The following RPS6KA2 variants were observed in gnomAD, a reference collection of about 807,000 sequenced individuals.
RPS6KA2 encodes ribosomal protein S6 kinase A2.
Under a neutral mutation model 91.8 loss-of-function variants are expected in RPS6KA2, and 42 were observed. The observed-to-expected ratio is 0.46, with a 90% CI of 0.36 to 0.59. The LOEUF (loss-of-function observed/expected upper bound fraction) is 0.59. RPS6KA2 is among the 20% of genes least tolerant of loss of function. The probability of loss-of-function intolerance (pLI) is 0.00; values close to 1 mark genes in which losing one functional copy is unlikely to be tolerated. For synonymous variants in RPS6KA2, 414 were observed against 393.6 expected (o/e 1.05, Z -0.61); for missense variants, 798 against 978.5 (o/e 0.82, Z 2.46).
chr6:166,514,291 T>C (rs1016838012), intron 3 of RPS6KA2, among the ~76,000 whole-genome samples: 15 of 152,106 alleles, frequency 9.9e-5, no homozygotes, highest in African/African-American at 3.4e-4. Flanking sequence ...CTCCAGGAAG[T>C]GAGAGCCCAG....
At chr6:166,651,764 A>G (rs1475841443) in intron 2 of RPS6KA2, among the ~76,000 whole-genome samples, 1 of 152,240 alleles carries the variant, frequency 6.6e-6, no homozygotes, top group Non-Finnish European at 1.5e-5. Context: ...GCACGTATAC[A>G]ACACCATCAA....
chr6:166,435,265 T>G lies in RPS6KA2; in HGVS notation c.1333-2775A>C, dbSNP rs981666516. ...AATGATAAGTATTTGTAAACAGTTT[T>G]CAAAGACAGATTACCTTAAACTCTT... On this transcript the variant is annotated intron_variant, in intron 14 of 20. Transcript: ENST00000265678. This position sits in a 1 kb window ranked among gnomAD's most constrained non-coding sequence, Gnocchi z 4.3. Among the ~76,000 whole-genome samples the G allele has an allele frequency of 1.9e-4, 29 of 152,206 alleles. No individual in the cohort carries two copies. The highest frequency in any genetic ancestry group is 6.8e-4 in the African/African-American group (28 of 41,448).
intron 2 of RPS6KA2, among the ~76,000 whole-genome samples, chr6:166,802,942 G>GTA (rs975413398): frequency 2.2e-4 from 25 of 116,074 alleles, no homozygotes; most frequent in African/African-American, 8.3e-4. Flanking sequence ...ATGTGTGTGT[G>GTA]TGTATATATA....
intron 7 of RPS6KA2, among the ~76,000 whole-genome samples, chr6:166,499,062 G>T (rs890080980): frequency 6.6e-6 from 1 of 152,178 alleles, no homozygotes; most frequent in Non-Finnish European, 1.5e-5. Flanking sequence ...TCTGGCTGCC[G>T]GGGAGCCAAG....
chr6:166,562,968 C>T (rs572222793), intron 1 of RPS6KA2, among the ~76,000 whole-genome samples: 15 of 152,292 alleles, frequency 9.8e-5, no homozygotes, highest in African/African-American at 3.1e-4. Flanking sequence ...CCCGGCGGGA[C>T]AGACTGAGAA....
intron 5 of RPS6KA2, among the ~76,000 whole-genome samples, chr6:166,507,832 ACACT>A (rs766814152): frequency 1.1e-3 from 159 of 149,110 alleles, no homozygotes; most frequent in African/African-American, 3.1e-3. Flanking sequence ...ACATGCACAC[ACACT>A]CACATTCCCA....
At chr6:166,491,164 T>C (rs1562530543) in intron 8 of RPS6KA2, among the ~76,000 whole-genome samples, 1 of 152,148 alleles carries the variant, frequency 6.6e-6, no homozygotes, top group East Asian at 1.9e-4. Flanking sequence ...TGAACACCCA[T>C]GCATGCCTGG....
At chr6:166,581,623 CACTT>C (rs1785011449) in intron 1 of RPS6KA2, among the ~76,000 whole-genome samples, 1 of 152,138 alleles carries the variant, frequency 6.6e-6, no homozygotes, top group African/African-American at 2.4e-5. Flanking sequence ...TCCTTATATT[CACTT>C]TCTATTTGAA....
intron 2 of RPS6KA2, chr6:166,757,512 C>T (rs566046937): frequency 1.4e-4 from 64 of 456,072 alleles, no homozygotes; most frequent in African/African-American, 4.8e-4. Flanking sequence ...CCATTTCCTG[C>T]GAGCCCTCCC....
At chr6:166,761,713 G>A (rs1010921095) in intron 2 of RPS6KA2, among the ~76,000 whole-genome samples, 1 of 152,162 alleles carries the variant, frequency 6.6e-6, no homozygotes, top group Non-Finnish European at 1.5e-5. Context: ...AGAATCAGAC[G>A]GATGATTTTA....
intron 2 of RPS6KA2, among the ~76,000 whole-genome samples, chr6:166,827,918 G>T (rs1443911290): frequency 6.6e-6 from 1 of 152,222 alleles, no homozygotes; most frequent in Non-Finnish European, 1.5e-5. Flanking sequence ...TGTGTGAGAA[G>T]CATTTTAAAT....
At chr6:166,636,180 C>T (rs1483371276) in intron 2 of RPS6KA2, among the ~76,000 whole-genome samples, 1 of 151,434 alleles carries the variant, frequency 6.6e-6, no homozygotes, top group Admixed American at 6.6e-5. Flanking sequence ...TTCTTGGAAC[C>T]GCCAAGGCCG....
chr6:166,706,099 G>A (rs529772432), intron 2 of RPS6KA2, among the ~76,000 whole-genome samples: 56 of 152,292 alleles, frequency 3.7e-4, no homozygotes, highest in African/African-American at 1.1e-3. Context: ...CCAGAACTGT[G>A]AGAAACGAAT....
intron 10 of RPS6KA2, among the ~76,000 whole-genome samples, chr6:166,480,479 T>TTATATATATATATATATATATA (rs3066214): frequency 2.7e-4 from 27 of 99,840 alleles, no homozygotes; most frequent in African/African-American, 1.1e-3. Flanking sequence ...GATTGTGATT[T>TTATATATATATATATATATATA]TATATATATA....
intron 7 of RPS6KA2, among the ~76,000 whole-genome samples, chr6:166,499,771 A>T (rs969019114): frequency 6.6e-6 from 1 of 152,224 alleles, no homozygotes; most frequent in African/African-American, 2.4e-5. Context: ...ATAGGCTAAC[A>T]TGGGGACTTT....
intron 3 of RPS6KA2, among the ~76,000 whole-genome samples, chr6:166,523,456 T>C (rs1299677276): frequency 6.6e-6 from 1 of 152,168 alleles, no homozygotes; most frequent in Non-Finnish European, 1.5e-5. Flanking sequence ...CCAGGAGTTA[T>C]CTTGGGATAA....
At chr6:166,593,230 G>C (rs376622598) in intron 1 of RPS6KA2, among the ~76,000 whole-genome samples, 3 of 152,012 alleles carry the variant, frequency 2.0e-5, no homozygotes, top group African/African-American at 7.2e-5. Flanking sequence ...ATTCTTTATA[G>C]GTAATACCAG....
intron 2 of RPS6KA2, among the ~76,000 whole-genome samples, chr6:166,535,218 C>T (rs1583252494): frequency 2.0e-5 from 3 of 152,258 alleles, no homozygotes; most frequent in African/African-American, 7.2e-5. Flanking sequence ...GCAACAGGTG[C>T]GATGTCACTC....
At chr6:166,754,654 G>C (rs1777949844) in intron 2 of RPS6KA2, among the ~76,000 whole-genome samples, 1 of 152,144 alleles carries the variant, frequency 6.6e-6, no homozygotes, top group African/African-American at 2.4e-5. Context: ...CTGTGTCTGG[G>C]AATTAGAAAC....
Sources: allele counts gnomAD v4.1 joint callset (sites outside exome capture counted in the v4.1 genomes callset), GRCh38; gene constraint gnomAD v4.1.1; non-coding constraint Gnocchi (gnomAD v3.1); transcripts MANE v1.5; gene names NCBI Gene and HGNC (gene_info 2026-07-23, HGNC 2026-07-21).